TPR: variants seen among roughly 807,000 people sequenced by gnomAD.
The protein encoded by TPR is nucleoprotein TPR.
Under a neutral mutation model 316.1 loss-of-function variants are expected in TPR, and 51 were observed. The ratio of observed to expected loss-of-function variants is 0.16; its 90% CI spans 0.13 to 0.20. The LOEUF is 0.20. TPR is among the 10% of genes least tolerant of loss of function. TPR has a pLI of 1.00. For synonymous variants in TPR, 981 were observed against 914.7 expected (o/e 1.07, Z -1.31); for missense variants, 2,272 against 2,754.8 (o/e 0.82, Z 3.92).
intron 3 of TPR, among the ~76,000 whole-genome samples, chr1:186,370,427 T>C (rs1191620974): frequency 6.6e-6 from 1 of 152,136 alleles, no homozygotes; most frequent in Admixed American, 6.5e-5. Context: ...TACAAAGCCT[T>C]TCTAGGTATA....
At position 186,313,734 on chromosome 1, in the gene TPR, C is replaced by A; in HGVS notation, c.*237G>T. ...TAGAACAGCAAGAGCAATTACTACT[C>A]GTTCTGGGCAGACCTTATCCAAAGT... On this transcript the variant is annotated 3_prime_UTR_variant, in exon 51 of 51. Transcript: ENST00000367478. 1.2e-6 allele frequency: 2 copies of A among 1,610,196 alleles called. No individual in the cohort carries two copies. The highest frequency in any genetic ancestry group is 1.7e-6 in the Non-Finnish European group (2 of 1,176,626).
intron 36 of TPR, among the ~76,000 whole-genome samples, 194 bp from the exon 37 acceptor site, chr1:186,333,588 G>A (rs1251218205): frequency 6.6e-6 from 1 of 152,036 alleles, no homozygotes; most frequent in Non-Finnish European, 1.5e-5. Context: ...GCAATAAAAT[G>A]TTGCCTGAAT....
At chr1:186,368,051 T>C (rs1659399276) in intron 3 of TPR, 69 bp from the exon 4 acceptor site, 4 of 1,127,162 alleles carry the variant, frequency 3.5e-6, no homozygotes, top group Admixed American at 2.0e-5. Flanking sequence ...CATAGAATTG[T>C]CACTTTAGTT....
At chr1:186,320,287 G>A in intron 46 of TPR, 25 bp downstream of exon 46, 4 of 1,564,990 alleles carry the variant, frequency 2.6e-6, no homozygotes, top group Non-Finnish European at 3.5e-6. Flanking sequence ...ACAAATTCAG[G>A]GGATCTAAAG....
Position 186,318,416 on chromosome 1 carries a change from A to T in TPR, c.6821+31T>A, listed in dbSNP as rs779988025. 5.6e-6 allele frequency: 9 copies of T among 1,593,694 alleles called. No individual in the cohort carries two copies. In the South Asian group the frequency reaches 1.0e-4, roughly 18 times the overall value. On this transcript the variant is annotated intron_variant, in intron 48 of 50. Coordinates refer to ENST00000367478, the MANE Select transcript of TPR (RefSeq NM_003292.3). The stretch of plus-strand genomic sequence containing the variant: ...AAATGTACAAGTCTGTTGAGACTAA[A>T]GCAAGCAAAAACAACAAAATAAACT...
rs2737160 is a variant in TPR at position 186,367,512 on chromosome 1, T to C, written c.427+374A>G. Among the ~76,000 whole-genome samples the C allele has an allele frequency of 1.3e-3, 200 of 152,354 alleles. 1 individual carries two copies. Among genetic ancestry groups the C allele is most frequent in the African/African-American group, 4.6e-3 (190 of 41,588 alleles). ...TAAATATAGGCTGAGTATATGTTCT[T>C]ATATTGAATGCTTATTATATAGCAA... On this transcript the variant is annotated intron_variant, in intron 4 of 50. Transcript: ENST00000367478.
chr1:186,358,435 T>C (rs1659089366), intron 13 of TPR, 108 bp downstream of exon 13: 3 of 767,704 alleles, frequency 3.9e-6, no homozygotes, highest in Non-Finnish European at 6.2e-6. Flanking sequence ...TCCTAATTAA[T>C]TAGAATTTCA....
At chr1:186,374,166 A>C (rs1342554181) in intron 1 of TPR, among the ~76,000 whole-genome samples, 1 of 152,204 alleles carries the variant, frequency 6.6e-6, no homozygotes, top group Non-Finnish European at 1.5e-5. Flanking sequence ...GTAAACCAAA[A>C]CACATTAACG....
intron 12 of TPR, 73 bp downstream of exon 12, chr1:186,359,726 G>GA (rs1203954336): frequency 1.4e-3 from 1,968 of 1,427,872 alleles, no homozygotes; most frequent in Non-Finnish European, 1.5e-3. Flanking sequence ...ATCACCTTAA[G>GA]AAAAAAAAAT....
In TPR at chr1:186,370,960, T is replaced by C. The variant is rs746412303; in HGVS notation, c.330+10A>G. The C allele has an allele frequency of 1.9e-6, 3 of 1,608,004 alleles. No individual in the cohort carries two copies. The highest frequency in any genetic ancestry group is 2.6e-6 in the Non-Finnish European group (3 of 1,175,246). On this transcript the variant is annotated intron_variant, in intron 3 of 50. Coordinates refer to ENST00000367478, the MANE Select transcript of TPR (RefSeq NM_003292.3). ...TCTACAATGAGCTTATTCTAAGAAA[T>C]ATCTCTTACCTGAATGGCAATATTG...
At chr1:186,347,536 T>C in intron 21 of TPR, 78 bp from the exon 22 acceptor site, 2 of 1,437,956 alleles carry the variant, frequency 1.4e-6, no homozygotes, top group Non-Finnish European at 1.9e-6. Context: ...GCTTATGAAA[T>C]TAGCATTAAG....
Position 186,375,131 on chromosome 1 carries a change from C to G in TPR, c.-103G>C. On this transcript the variant is annotated 5_prime_UTR_variant, in exon 1 of 51. Coordinates refer to ENST00000367478, the MANE Select transcript of TPR (RefSeq NM_003292.3). ...CAGACGCCTGGGCCGCCGCCTCTAT[C>G]ACCTCGCTCGGTGGCTCGCGCGCGC... 2 of 1,560,172 alleles carry G rather than the reference C, an allele frequency of 1.3e-6. No homozygotes were observed. The highest frequency in any genetic ancestry group is 1.7e-6 in the Non-Finnish European group (2 of 1,152,726).
chr1:186,357,901 A>C (rs1412334745), intron 13 of TPR, among the ~76,000 whole-genome samples: 2 of 152,196 alleles, frequency 1.3e-5, no homozygotes, highest in Non-Finnish European at 2.9e-5. Flanking sequence ...TAAAACAGTG[A>C]TCAAATAAAA....
At chr1:186,351,610 G>A (rs1035205275) in intron 19 of TPR, 140 bp from the exon 20 acceptor site, 26 of 868,630 alleles carry the variant, frequency 3.0e-5, no homozygotes, top group Non-Finnish European at 3.9e-5. Context: ...TATCAAGAAA[G>A]TATTCTGGTA....
chr1:186,365,249 C>T (rs1659310087), intron 4 of TPR, among the ~76,000 whole-genome samples: 1 of 152,172 alleles, frequency 6.6e-6, no homozygotes, highest in Admixed American at 6.5e-5. Flanking sequence ...GCGCCTACCA[C>T]CACGCCCAGC....
intron 35 of TPR, 34 bp from the exon 36 acceptor site, chr1:186,334,567 A>G (rs765290607): frequency 6.3e-7 from 1 of 1,587,218 alleles, no homozygotes; most frequent in South Asian, 1.1e-5. Context: ...ATAATTAATA[A>G]CAAATTATTA....
chr1:186,354,250 C>T (rs926320492), intron 17 of TPR, among the ~76,000 whole-genome samples: 3 of 151,914 alleles, frequency 2.0e-5, no homozygotes, highest in African/African-American at 7.3e-5. Flanking sequence ...GGTTCAAGTT[C>T]TAAGTAAGCA....
At chr1:186,343,500 T>C (rs566476999) in intron 26 of TPR, 27 bp from the exon 27 acceptor site, 1 of 1,587,432 alleles carries the variant, frequency 6.3e-7, no homozygotes, top group South Asian at 1.2e-5. Context: ...ATTAAAATTT[T>C]ATGTGAATTT....
intron 42 of TPR, among the ~76,000 whole-genome samples, chr1:186,324,634 G>A (rs988855819): frequency 2.6e-5 from 4 of 152,130 alleles, no homozygotes; most frequent in Non-Finnish European, 4.4e-5. Context: ...TTACTTCTGC[G>A]ATTCAGATTC....
Sources: allele counts gnomAD v4.1 joint callset (sites outside exome capture counted in the v4.1 genomes callset), GRCh38; gene constraint gnomAD v4.1.1; transcripts MANE v1.5; gene names NCBI Gene and HGNC (gene_info 2026-07-23, HGNC 2026-07-21).